Variants in KCTD8 observed in about 807,000 individuals in gnomAD.
KCTD8 encodes BTB/POZ domain-containing protein KCTD8.
A neutral mutation model predicts 31.5 loss-of-function variants in KCTD8; 27 were observed. That is an observed-to-expected ratio of 0.86 (90% CI 0.63 to 1.18). KCTD8 has a LOEUF of 1.18. KCTD8 is among the 50% of genes most tolerant of loss of function. The pLI, the probability that KCTD8 is intolerant of heterozygous loss-of-function variation, is 0.00. For synonymous variants in KCTD8, 290 were observed against 280.0 expected, an observed-to-expected ratio of 1.04 and a Z score of -0.36; for missense variants, 658 against 647.7, an observed-to-expected ratio of 1.02 and a Z score of -0.17.
chr4:44,231,434 T>G (rs1383443038), intron 1 of KCTD8, among the ~76,000 whole-genome samples: 1 of 152,222 alleles, frequency 6.6e-6, no homozygotes, highest in African/African-American at 2.4e-5. Context: ...GAATTACCTA[T>G]GACATTTAAC....
chr4:44,320,356 T>A (rs1477120677), intron 1 of KCTD8, among the ~76,000 whole-genome samples: 1 of 152,078 alleles, frequency 6.6e-6, no homozygotes, highest in Non-Finnish European at 1.5e-5. Flanking sequence ...GGAGGGGCTT[T>A]TAAATTTGCA....
chr4:44,406,964 A>C (rs1720812192), intron 1 of KCTD8, among the ~76,000 whole-genome samples: 1 of 152,240 alleles, frequency 6.6e-6, no homozygotes, highest in Admixed American at 6.5e-5. Context: ...TGCTAAATGC[A>C]TATAGATCAC....
chr4:44,273,765 T>C (rs1716676945), intron 1 of KCTD8, among the ~76,000 whole-genome samples: 2 of 151,938 alleles, frequency 1.3e-5, no homozygotes, highest in Admixed American at 6.6e-5. Flanking sequence ...AGCCAAATAA[T>C]CTGGATGTCT....
intron 1 of KCTD8, among the ~76,000 whole-genome samples, chr4:44,319,497 GGAGT>G (rs1158923842): frequency 6.6e-6 from 1 of 151,290 alleles, no homozygotes; most frequent in East Asian, 1.9e-4. Context: ...GCAAAAATAC[GGAGT>G]GAGAGAAAAG....
intron 1 of KCTD8, among the ~76,000 whole-genome samples, chr4:44,326,074 C>T (rs1275774831): frequency 4.6e-5 from 7 of 151,950 alleles, no homozygotes; most frequent in Non-Finnish European, 8.8e-5. Flanking sequence ...GAACACATAT[C>T]CCTTGTAATG....
chr4:44,204,346 G>A (rs201982663), intron 1 of KCTD8, among the ~76,000 whole-genome samples: 4 of 152,062 alleles, frequency 2.6e-5, no homozygotes, highest in South Asian at 4.1e-4. Context: ...CAGACAGCCC[G>A]GCACCACACC....
In KCTD8 at chr4:44,174,276, C is replaced by G. The variant is rs1713131069; in HGVS notation, c.*514G>C. On this transcript the variant is annotated 3_prime_UTR_variant, in exon 2 of 2. Transcript: ENST00000360029. Reference sequence around the variant, plus strand: ...TCTTTCCAAGCAACAAACAGATCTTCCCTATTTCTTGTGATTTATTTGTAA... The same window carrying G: ...TCTTTCCAAGCAACAAACAGATCTTGCCTATTTCTTGTGATTTATTTGTAA... 6.6e-6 allele frequency: 1 copy of G among 152,210 alleles called. No homozygotes were observed. Among genetic ancestry groups the G allele is most frequent in the Non-Finnish European group, 1.5e-5 (1 of 67,966 alleles). The allele number at this position is 152,210 out of a possible 1,614,324, so 9.4% of individuals were successfully genotyped here.
chr4:44,236,534 T>C (rs1372295724), intron 1 of KCTD8, among the ~76,000 whole-genome samples: 1 of 152,190 alleles, frequency 6.6e-6, no homozygotes, highest in African/African-American at 2.4e-5. Flanking sequence ...TGTCTGTATT[T>C]AATTATTGCC....
chr4:44,448,098 C>A lies in KCTD8; in HGVS notation c.426G>T (p.Leu142Phe). 1 of 1,612,650 alleles carries A rather than the reference C, an allele frequency of 6.2e-7. No individual in the cohort carries two copies. Among genetic ancestry groups the A allele is most frequent in the Non-Finnish European group, 8.5e-7 (1 of 1,179,844 alleles). Residue 142 changes from leucine (L) to phenylalanine (F), a missense_variant, in exon 1 of 2, where the codon TTG (leucine) becomes TTT (phenylalanine). By Grantham distance (22) the Leu-to-Phe change is conservative (BLOSUM62 0). Coordinates refer to ENST00000360029, the MANE Select transcript of KCTD8 (RefSeq NM_198353.3). This position sits in a 1 kb window ranked among gnomAD's most constrained non-coding sequence, Gnocchi z 4.1. ...REAEYFQLTD[L>F]VKLLSPKVTK... is the part of the protein sequence containing the mutation. Reference sequence around the variant, plus strand: ...TGACCTTGGGCGACAGCAGCTTGACCAAGTCGGTGAGCTGGAAATACTCGG... The same window carrying A: ...TGACCTTGGGCGACAGCAGCTTGACAAAGTCGGTGAGCTGGAAATACTCGG...
At chr4:44,244,346 T>A in intron 1 of KCTD8, among the ~76,000 whole-genome samples, 1 of 152,164 alleles carries the variant, frequency 6.6e-6, no homozygotes. Flanking sequence ...CAGGCAATGA[T>A]ACCCCAAAGT....
chr4:44,390,860 A>G (rs1042150376), intron 1 of KCTD8, among the ~76,000 whole-genome samples: 18 of 151,954 alleles, frequency 1.2e-4, no homozygotes, highest in African/African-American at 4.3e-4. Context: ...TAGTACAACC[A>G]CTATGGAAAA....
At chr4:44,340,749 G>T in intron 1 of KCTD8, among the ~76,000 whole-genome samples, 1 of 152,152 alleles carries the variant, frequency 6.6e-6, no homozygotes, top group East Asian at 1.9e-4. Context: ...ACACTCAAGA[G>T]CATATACTAT....
intron 1 of KCTD8, among the ~76,000 whole-genome samples, chr4:44,320,138 C>G (rs1577614057): frequency 7.6e-6 from 1 of 131,074 alleles, no homozygotes; most frequent in Middle Eastern, 5.0e-3. Context: ...CTCTACTGCC[C>G]TCACACTGGG....
intron 1 of KCTD8, among the ~76,000 whole-genome samples, chr4:44,435,183 A>G (rs1399885067): frequency 6.6e-6 from 1 of 151,984 alleles, no homozygotes; most frequent in Admixed American, 6.6e-5. Context: ...GTACAATTCA[A>G]CTGAGATGCT....
chr4:44,445,795 T>A (rs571444436), intron 1 of KCTD8, among the ~76,000 whole-genome samples: 4 of 152,170 alleles, frequency 2.6e-5, no homozygotes, highest in African/African-American at 4.8e-5. Context: ...TCTTCTGAAA[T>A]GTTTGGAAAT....
At chr4:44,190,473 TG>T (rs1288481706) in intron 1 of KCTD8, among the ~76,000 whole-genome samples, 2 of 152,206 alleles carry the variant, frequency 1.3e-5, no homozygotes, top group African/African-American at 4.8e-5. Context: ...ATATAGGTGG[TG>T]CTCTATCTAT....
intron 1 of KCTD8, among the ~76,000 whole-genome samples, chr4:44,336,810 G>A (rs1184775159): frequency 6.6e-6 from 1 of 151,914 alleles, no homozygotes; most frequent in African/African-American, 2.4e-5. Flanking sequence ...TTAGGAGATA[G>A]AGAAATAATT....
chr4:44,265,707 T>C (rs956841680), intron 1 of KCTD8, among the ~76,000 whole-genome samples: 2 of 152,140 alleles, frequency 1.3e-5, no homozygotes, highest in African/African-American at 4.8e-5. Flanking sequence ...AAGGAGCTGA[T>C]GGAGCTGAAA....
chr4:44,366,854 G>A (rs1719652722), intron 1 of KCTD8, among the ~76,000 whole-genome samples: 1 of 152,140 alleles, frequency 6.6e-6, no homozygotes, highest in South Asian at 2.1e-4. Context: ...CCCACAGCCT[G>A]AGTGGTTTAT....
Sources: gnomAD v4.1 joint callset for allele counts (sites outside exome capture counted in the v4.1 genomes callset) on GRCh38, gnomAD v4.1.1 for gene constraint, Gnocchi (gnomAD v3.1) non-coding constraint, MANE v1.5 for transcripts, NCBI Gene and HGNC (gene_info 2026-07-23, HGNC 2026-07-21) for gene names.